The following PROS1 variants were observed in gnomAD, a reference collection of about 807,000 sequenced individuals.
The protein encoded by PROS1 is protein S, also known as vitamin K-dependent protein S.
A neutral mutation model predicts 75.9 loss-of-function variants in PROS1; 29 were observed. The ratio of observed to expected loss-of-function variants is 0.38; its 90% confidence interval spans 0.28 to 0.52. PROS1 has a LOEUF of 0.52. Among genes scored for constraint, PROS1 ranks in the 20% least tolerant of loss-of-function variants. The probability of loss-of-function intolerance (pLI) is 0.83; values close to 1 mark genes in which losing one functional copy is unlikely to be tolerated. For synonymous variants in PROS1, 245 were observed against 280.6 expected (o/e 0.87, Z 1.27); for missense variants, 680 against 810.3 (o/e 0.84, Z 1.95).
chr3:93,887,219 A>G (rs1247422988), intron 10 of PROS1, among the ~76,000 whole-genome samples: 1 of 152,198 alleles, frequency 6.6e-6, no homozygotes, highest in Non-Finnish European at 1.5e-5. Flanking sequence ...CGCCCGGCCC[A>G]TAAGTTCTTA....
At chr3:93,912,510 G>T (rs1379478315) in intron 3 of PROS1, among the ~76,000 whole-genome samples, 1 of 152,164 alleles carries the variant, frequency 6.6e-6, no homozygotes, top group Non-Finnish European at 1.5e-5. Flanking sequence ...ACCATGGTGA[G>T]ATAGAATATT....
At chr3:93,964,543 G>A (rs1709758505) in intron 1 of PROS1, among the ~76,000 whole-genome samples, 1 of 152,114 alleles carries the variant, frequency 6.6e-6, no homozygotes, top group Admixed American at 6.5e-5. Context: ...CTGGTTCTCT[G>A]CTCTCGAACC....
chr3:93,893,299 G>A (rs1708459039), intron 9 of PROS1, among the ~76,000 whole-genome samples, 177 bp from the exon 10 acceptor site: 1 of 152,064 alleles, frequency 6.6e-6, no homozygotes, highest in South Asian at 2.1e-4. Context: ...ATTATCTCTG[G>A]TTCCATGTAC....
intron 3 of PROS1, among the ~76,000 whole-genome samples, chr3:93,918,006 A>T (rs1708885248): frequency 6.6e-6 from 1 of 152,192 alleles, no homozygotes; most frequent in African/African-American, 2.4e-5. Context: ...CTCCACCTGC[A>T]GCCCCAGTGC....
chr3:93,913,600 G>C lies in PROS1; in HGVS notation c.260-2895C>G, dbSNP rs183570594. On this transcript the variant is annotated intron_variant, in intron 3 of 14. Transcript: ENST00000394236. ...AAATGAACTAATACGCTTTCCCTTT[G>C]CCTTCCGCCATGATTCTAAGTTTCC... Among the ~76,000 whole-genome samples, 17 of 152,202 alleles carry C rather than the reference G, an allele frequency of 1.1e-4. No individual in the cohort carries two copies. The East Asian group carries it at 3.3e-3, about 29-fold the overall frequency.
chr3:93,893,206 A>G, intron 9 of PROS1, 84 bp from the exon 10 acceptor site: 1 of 1,186,192 alleles, frequency 8.4e-7, no homozygotes. Context: ...GTACTGACAA[A>G]CAGTAACACA....
chr3:93,903,807 A>C (rs1212274262), intron 6 of PROS1, among the ~76,000 whole-genome samples: 2 of 152,100 alleles, frequency 1.3e-5, no homozygotes, highest in Non-Finnish European at 2.9e-5. Flanking sequence ...TCATGTCCTA[A>C]TGACAGTCTT....
intron 1 of PROS1, chr3:93,958,510 C>A (rs1245144216): frequency 6.6e-6 from 1 of 152,180 alleles, no homozygotes; most frequent in Non-Finnish European, 1.5e-5. Flanking sequence ...CTTTCACTAA[C>A]CTCTTCCTCA....
chr3:93,919,551 C>T (rs1198137346), intron 3 of PROS1, among the ~76,000 whole-genome samples: 2 of 151,704 alleles, frequency 1.3e-5, no homozygotes, highest in African/African-American at 2.4e-5. Context: ...ACAGATCTGT[C>T]ATTTGTCTCT....
rs1708129624 is a variant in PROS1 at position 93,873,065 on chromosome 3, T to G, written c.*1180A>C. 1 of 152,224 alleles carries G rather than the reference T, an allele frequency of 6.6e-6. No homozygotes were observed. The highest frequency in any genetic ancestry group is 6.5e-5 in the Admixed American group (1 of 15,274). 9.4% of individuals were successfully genotyped at this position (152,224 alleles called of 1,614,324 possible). A position where few individuals can be genotyped will look rare whatever the true frequency, so the allele number is the denominator to read the frequency against. On this transcript the variant is annotated 3_prime_UTR_variant, in exon 15 of 15. Coordinates refer to ENST00000394236, the MANE Select transcript of PROS1 (RefSeq NM_000313.4). ...AGAGTTAAATGTCTATTATGTAATT[T>G]TGTTTTATTCAAACAGTTGATATAA...
intron 1 of PROS1, among the ~76,000 whole-genome samples, chr3:93,937,773 A>T (rs764316906): frequency 2.0e-5 from 3 of 152,044 alleles, no homozygotes; most frequent in Non-Finnish European, 2.9e-5. Flanking sequence ...TTTTTTCTTG[A>T]AACAGGTACT....
intron 1 of PROS1, among the ~76,000 whole-genome samples, chr3:93,951,711 C>T (rs1445306170): frequency 1.3e-5 from 2 of 151,840 alleles, no homozygotes; most frequent in African/African-American, 4.8e-5. Flanking sequence ...AAACAGTTAA[C>T]ATCATAATGA....
At chr3:93,965,983 A>C (rs1256540894) in intron 1 of PROS1, among the ~76,000 whole-genome samples, 1 of 152,166 alleles carries the variant, frequency 6.6e-6, no homozygotes, top group Admixed American at 6.5e-5. Context: ...GATTACAGGC[A>C]TGAGCCACTG....
chr3:93,932,691 G>T (rs1709123340), intron 1 of PROS1, among the ~76,000 whole-genome samples: 1 of 152,076 alleles, frequency 6.6e-6, no homozygotes, highest in African/African-American at 2.4e-5. Context: ...TTCATGTGGG[G>T]GGTAAGTCTT....
intron 1 of PROS1, among the ~76,000 whole-genome samples, chr3:93,950,190 C>T (rs993527032): frequency 2.6e-5 from 4 of 152,134 alleles, no homozygotes; most frequent in African/African-American, 7.2e-5. Flanking sequence ...CCAGGAAGCT[C>T]GAACTGGGTG....
chr3:93,966,880 G>A (rs1406283629), intron 1 of PROS1, among the ~76,000 whole-genome samples: 1 of 151,600 alleles, frequency 6.6e-6, no homozygotes, highest in African/African-American at 2.4e-5. Context: ...GTTGGGATGT[G>A]CGCCAGTGTT....
chr3:93,898,599 C>T lies in PROS1; in HGVS notation c.728-30G>A, dbSNP rs570334352. The T allele has an allele frequency of 4.3e-6, 7 of 1,609,238 alleles. No homozygotes were observed. In the African/African-American group the frequency reaches 5.3e-5, roughly 12 times the overall value. On this transcript the variant is annotated intron_variant, in intron 7 of 14. Coordinates refer to ENST00000394236, the MANE Select transcript of PROS1 (RefSeq NM_000313.4). ...GGTAAAAAAAACACACGCACACAAA[C>T]TTTAATATCCCCTAAATGTTCAATC... is the stretch of plus-strand genomic sequence containing the variant.
In PROS1 at chr3:93,927,307, G is replaced by A. The variant is rs764115962; in HGVS notation, c.177C>T (p.Ile59=). The change falls in exon 2 of 15, where the codon ATC becomes ATT. Residue 59 remains isoleucine (I), a synonymous_variant. Coordinates refer to ENST00000394236, the MANE Select transcript of PROS1 (RefSeq NM_000313.4). ...CTTCTTCTTTATTGCACAGTTCTTC[G>A]ATGCATTCTCTTTCAAGATTACCCT... ...TKQGNLEREC[I]EELCNKEEAR... 2.5e-5 allele frequency: 41 copies of A among 1,613,074 alleles called. No homozygotes were observed. The highest frequency in any genetic ancestry group is 2.2e-4 in the South Asian group (20 of 91,026).
At chr3:93,936,369 C>CCATGTAACAAACCTGCA (rs1709183556) in intron 1 of PROS1, among the ~76,000 whole-genome samples, 2 of 151,980 alleles carry the variant, frequency 1.3e-5, no homozygotes, top group South Asian at 2.1e-4. Flanking sequence ...CGTAATATGC[C>CCATGTAACAAACCTGCA]CATGTAACAA....
Sources: gnomAD v4.1 joint callset for allele counts (sites outside exome capture counted in the v4.1 genomes callset) on GRCh38, gnomAD v4.1.1 for gene constraint, MANE v1.5 for transcripts, NCBI Gene and HGNC (gene_info 2026-07-23, HGNC 2026-07-21) for gene names.